The following EML4 variants were observed in gnomAD, a reference collection of about 807,000 sequenced individuals.
EML4 encodes the protein EMAP like 4.
In EML4, 72 loss-of-function variants were observed where a neutral mutation model predicts 129.0. That is an observed-to-expected ratio of 0.56 (90% CI 0.46 to 0.68). The LOEUF is 0.68. Ranked by LOEUF, EML4 falls within the 30% of genes least tolerant of loss-of-function variation. The pLI is 0.00. For synonymous variants in EML4, 532 were observed against 405.0 expected, an observed-to-expected ratio of 1.31 and a Z score of -3.77; for missense variants, 1,363 against 1,190.6, an observed-to-expected ratio of 1.14 and a Z score of -2.13.
chr2:42,230,226 A>G (rs772042435), intron 1 of EML4, among the ~76,000 whole-genome samples: 64 of 152,174 alleles, frequency 4.2e-4, no homozygotes, highest in Non-Finnish European at 7.9e-4. Flanking sequence ...GCAAAGTGTG[A>G]TGCTTTGCAG....
At chr2:42,187,676 T>TA (rs1553359621) in intron 1 of EML4, among the ~76,000 whole-genome samples, 42 of 152,062 alleles carry the variant, frequency 2.8e-4, no homozygotes, top group South Asian at 6.2e-4. Context: ...TCATTTTTTT[T>TA]AAAAAAAAAT....
intron 11 of EML4, among the ~76,000 whole-genome samples, chr2:42,293,620 G>A (rs1455397555): frequency 6.6e-6 from 1 of 151,598 alleles, no homozygotes; most frequent in East Asian, 2.0e-4. Context: ...TCTTGGTTTT[G>A]TTTCGTTTTG....
chr2:42,263,828 C>G (rs1665886894), intron 5 of EML4, among the ~76,000 whole-genome samples: 1 of 152,170 alleles, frequency 6.6e-6, no homozygotes, highest in Non-Finnish European at 1.5e-5. Flanking sequence ...CTCCCAGGTG[C>G]AAGCGATTGT....
At chr2:42,263,144 G>A (rs561087552) in intron 4 of EML4, 34 bp from the exon 5 acceptor site, 1 of 1,583,196 alleles carries the variant, frequency 6.3e-7, no homozygotes, top group Admixed American at 1.8e-5. Flanking sequence ...TTGATACTCA[G>A]AATTTTTCTC....
chr2:42,332,300 A>G lies in EML4; in HGVS notation c.*2093A>G, dbSNP rs1046888568. The G allele has an allele frequency of 4.7e-6, 1 of 212,922 alleles. No homozygotes were observed. The highest frequency in any genetic ancestry group is 9.5e-6 in the Non-Finnish European group (1 of 104,954). The allele number at this position is 212,922 out of a possible 1,614,324, so 13.2% of individuals were successfully genotyped here. A position where few individuals can be genotyped will look rare whatever the true frequency, so the allele number is the denominator to read the frequency against. ...GGTGGTAGTTTCAAAAGACACTACTAATACGCAGGAAGCGTTCCAGCTATT... is the reference window on the plus strand; with the variant it reads ...GGTGGTAGTTTCAAAAGACACTACTGATACGCAGGAAGCGTTCCAGCTATT... On this transcript the variant is annotated 3_prime_UTR_variant, in exon 23 of 23. Coordinates refer to ENST00000318522, the MANE Select transcript of EML4 (RefSeq NM_019063.5).
At chr2:42,230,547 C>T (rs113698056) in intron 1 of EML4, among the ~76,000 whole-genome samples, 18,653 of 152,152 alleles carry the variant, frequency 0.12, 1,202 homozygotes, top group Middle Eastern at 0.23. Flanking sequence ...GCTGGGACTA[C>T]AGGTGTGTGC....
intron 1 of EML4, among the ~76,000 whole-genome samples, chr2:42,181,995 G>T (rs1460561645): frequency 1.3e-5 from 2 of 152,056 alleles, no homozygotes; most frequent in East Asian, 3.9e-4. Context: ...ACAGCGTAGG[G>T]TTAATTTTTG....
At chr2:42,290,180 G>T (rs1667551585) in intron 11 of EML4, among the ~76,000 whole-genome samples, 2 of 152,102 alleles carry the variant, frequency 1.3e-5, no homozygotes, top group African/African-American at 4.8e-5. Context: ...AAAGGTCAGA[G>T]GGAGATTTTG....
intron 13 of EML4, among the ~76,000 whole-genome samples, 172 bp downstream of exon 13, chr2:42,295,688 C>T (rs965477513): frequency 6.6e-6 from 1 of 152,030 alleles, no homozygotes; most frequent in Non-Finnish European, 1.5e-5. Context: ...AATTATTTAT[C>T]CAGTTATTTA....
chr2:42,203,641 T>C (rs573228569), intron 1 of EML4, among the ~76,000 whole-genome samples: 211 of 22,250 alleles, frequency 9.5e-3, no homozygotes, highest in African/African-American at 0.048. Flanking sequence ...TAGCCACCCC[T>C]TTTTTTTTTT....
chr2:42,299,008 G>A (rs1668118827), intron 13 of EML4, among the ~76,000 whole-genome samples: 1 of 152,096 alleles, frequency 6.6e-6, no homozygotes, highest in South Asian at 2.1e-4. Flanking sequence ...TCCCTCTCGT[G>A]GTAACATCAG....
chr2:42,282,952 C>T lies in EML4; in HGVS notation c.921C>T (p.Gly307=), dbSNP rs149374724. ...YEERTQRHYL[G]HTDCVKCLAI... ...AGAGAACTCAGCGACACTACCTGGG[C>T]CATACAGACTGTGTGAAATGGTTGG... Residue 307 remains glycine, a synonymous_variant, in exon 8 of 23, where the codon GGC becomes GGT. Coordinates refer to ENST00000318522, the MANE Select transcript of EML4 (RefSeq NM_019063.5). 2.8e-4 allele frequency: 447 copies of T among 1,612,702 alleles called. No homozygotes were observed. Among genetic ancestry groups the T allele is most frequent in the Admixed American group, 1.0e-3 (61 of 59,596 alleles).
intron 6 of EML4, among the ~76,000 whole-genome samples, chr2:42,276,304 G>C (rs1435622411): frequency 6.6e-6 from 1 of 152,084 alleles, no homozygotes; most frequent in Non-Finnish European, 1.5e-5. Flanking sequence ...AAAATAAGAA[G>C]ACCTAGTACC....
At chr2:42,306,345 G>T (rs1668592395) in intron 17 of EML4, among the ~76,000 whole-genome samples, 1 of 152,070 alleles carries the variant, frequency 6.6e-6, no homozygotes, top group East Asian at 1.9e-4. Context: ...TGCTGATCCA[G>T]TTTTCAGAAA....
At chr2:42,208,188 G>A (rs144585716) in intron 1 of EML4, 1 of 152,194 alleles carries the variant, frequency 6.6e-6, no homozygotes, top group Non-Finnish European at 1.5e-5. Flanking sequence ...TCTGAATAAA[G>A]GACAGTGGCC....
intron 11 of EML4, among the ~76,000 whole-genome samples, chr2:42,291,825 G>A (rs1276945030): frequency 6.6e-6 from 1 of 152,180 alleles, no homozygotes. Flanking sequence ...TTTTTAAACA[G>A]CAAAAGACTT....
At chr2:42,225,061 C>G (rs573954787) in intron 1 of EML4, among the ~76,000 whole-genome samples, 17 of 152,218 alleles carry the variant, frequency 1.1e-4, no homozygotes, top group Middle Eastern at 3.4e-3. Flanking sequence ...TCAAAGGTCA[C>G]TCATGTTTTA....
At chr2:42,179,939 T>C (rs1034180845) in intron 1 of EML4, among the ~76,000 whole-genome samples, 2 of 152,058 alleles carry the variant, frequency 1.3e-5, no homozygotes, top group African/African-American at 2.4e-5. Context: ...CGTGTACATA[T>C]AGAGGGAGGG....
chr2:42,293,350 C>G (rs143103447), intron 11 of EML4, among the ~76,000 whole-genome samples: 74 of 152,278 alleles, frequency 4.9e-4, no homozygotes, highest in African/African-American at 1.6e-3. Flanking sequence ...GTCCTCCCAC[C>G]TTGGCCACCC....
Sources: allele counts gnomAD v4.1 joint callset (sites outside exome capture counted in the v4.1 genomes callset), GRCh38; gene constraint gnomAD v4.1.1; transcripts MANE v1.5; gene names NCBI Gene and HGNC (gene_info 2026-07-23, HGNC 2026-07-21).